LRMDA: variants seen among roughly 807,000 people sequenced by gnomAD.
The protein encoded by LRMDA is leucine-rich melanocyte differentiation-associated protein.
A neutral mutation model predicts 29.8 loss-of-function variants in LRMDA; 18 were observed. The observed-to-expected ratio is 0.60, with a 90% CI of 0.42 to 0.90. LRMDA has a LOEUF of 0.90. LRMDA is among the 40% of genes least tolerant of loss of function. The pLI, the probability that LRMDA is intolerant of heterozygous loss-of-function variation, is 0.00. For synonymous variants in LRMDA, 125 were observed against 109.4 expected (o/e 1.14, Z -0.89); for missense variants, 273 against 273.9 (o/e 1.00, Z 0.02).
intron 6 of LRMDA, among the ~76,000 whole-genome samples, chr10:76,452,633 A>T (rs901851694): frequency 6.6e-6 from 1 of 152,202 alleles, no homozygotes; most frequent in Admixed American, 6.5e-5. Context: ...AGAAAATGGA[A>T]AGCAGTGTCC....
At chr10:76,215,177 G>T (rs747673297) in intron 5 of LRMDA, among the ~76,000 whole-genome samples, 1 of 152,176 alleles carries the variant, frequency 6.6e-6, no homozygotes, top group African/African-American at 2.4e-5. Flanking sequence ...TCATCAGTTT[G>T]CTATTTTACA....
At position 76,486,060 on chromosome 10, in the gene LRMDA, CCA is replaced by C. The variant is rs1842779706; in HGVS notation, c.602-71148_602-71147del. ...TAGATGCTTCATTATGCATTTTACT[CCA>C]GAGTTTTTGGTTACAGATATGGAGG... On this transcript the variant is annotated intron_variant, in intron 6 of 6. Transcript: ENST00000611255. 2.5e-4 allele frequency among the ~76,000 whole-genome samples: 38 copies of C among 151,942 alleles called. No individual in the cohort carries two copies. In the South Asian group the frequency reaches 7.3e-3, roughly 29 times the overall value.
intron 6 of LRMDA, among the ~76,000 whole-genome samples, chr10:76,429,683 G>A (rs772918848): frequency 4.6e-5 from 7 of 152,214 alleles, no homozygotes; most frequent in East Asian, 1.9e-4. Context: ...GGAGCACATC[G>A]TAAGATTTTT....
rs1196497801 is a variant in LRMDA at position 75,453,628 on chromosome 10, GT to G, written c.131+15141del. ...CTTTGTTCCTCAAAAACCCTAATAT[GT>G]TTTTTTCTTTTAACATTTGTTCTGC... On this transcript the variant is annotated intron_variant, in intron 2 of 6. Transcript: ENST00000611255. 2.6e-5 allele frequency among the ~76,000 whole-genome samples: 4 copies of G among 152,044 alleles called. No individual in the cohort carries two copies. In the East Asian group the frequency reaches 5.8e-4, roughly 22 times the overall value.
At chr10:75,958,591 A>G (rs1180109528) in intron 2 of LRMDA, among the ~76,000 whole-genome samples, 1 of 152,142 alleles carries the variant, frequency 6.6e-6, no homozygotes, top group African/African-American at 2.4e-5. Context: ...ACTTTCTCTA[A>G]TAAGTGTAGA....
chr10:76,130,185 C>T (rs1463466254), intron 5 of LRMDA, among the ~76,000 whole-genome samples: 10 of 150,742 alleles, frequency 6.6e-5, no homozygotes, highest in East Asian at 5.8e-4. Flanking sequence ...GGGTGCAGGA[C>T]GAGTTCCCAG....
chr10:76,151,224 T>C (rs1051336306), intron 5 of LRMDA, among the ~76,000 whole-genome samples: 1 of 152,234 alleles, frequency 6.6e-6, no homozygotes, highest in Non-Finnish European at 1.5e-5. Flanking sequence ...ATCCTGATTT[T>C]CCTTTGCTGT....
chr10:76,028,126 CTTGTG>C lies in LRMDA; in HGVS notation c.132-7879_132-7875del, dbSNP rs1021191139. 1.1e-4 allele frequency among the ~76,000 whole-genome samples: 17 copies of C among 152,138 alleles called. No individual in the cohort carries two copies. In the South Asian group the frequency reaches 1.2e-3, roughly 11 times the overall value. On this transcript the variant is annotated intron_variant, in intron 2 of 6. Coordinates refer to ENST00000611255, the MANE Select transcript of LRMDA (RefSeq NM_001305581.2). ...CCAGCAATTTCACTGTCTCATTAGTCTTGTGTTTGTTTGAAGTAAAAGCTTGACAA... is the reference window on the plus strand; with the variant it reads ...CCAGCAATTTCACTGTCTCATTAGTCTTTGTTTGAAGTAAAAGCTTGACAA...
intron 6 of LRMDA, among the ~76,000 whole-genome samples, chr10:76,453,965 C>T (rs1279873937): frequency 6.6e-6 from 1 of 152,248 alleles, no homozygotes; most frequent in South Asian, 2.1e-4. Context: ...ATGTCGTGAA[C>T]GTTTACAAAA....
In LRMDA at chr10:75,705,633, C is replaced by T. The variant is rs535552871; in HGVS notation, c.131+267139C>T. On this transcript the variant is annotated intron_variant, in intron 2 of 6. Transcript: ENST00000611255. ...TGGCAGAGTCAAGGCTAGAGCCGTG[C>T]GTGAGCGATGATGATGAGTAGGTGG... Among the ~76,000 whole-genome samples the T allele has an allele frequency of 3.9e-5, 6 of 152,244 alleles. No individual in the cohort carries two copies. In the South Asian group the frequency reaches 1.0e-3, roughly 26 times the overall value.
chr10:75,846,975 G>A (rs1018332938), intron 2 of LRMDA, among the ~76,000 whole-genome samples: 3 of 152,114 alleles, frequency 2.0e-5, no homozygotes, highest in African/African-American at 7.2e-5. Context: ...CAAAATCTCA[G>A]TGGCAATTTT....
chr10:75,447,627 G>A (rs988012423), intron 2 of LRMDA, among the ~76,000 whole-genome samples: 8 of 152,162 alleles, frequency 5.3e-5, no homozygotes, highest in African/African-American at 1.7e-4. Flanking sequence ...AGTCTGACTA[G>A]CTTGGGCGTG....
chr10:75,684,973 G>C (rs1251413837), intron 2 of LRMDA, among the ~76,000 whole-genome samples: 1 of 152,188 alleles, frequency 6.6e-6, no homozygotes, highest in Non-Finnish European at 1.5e-5. Context: ...CATGCCCTCT[G>C]CTTATTTACA....
chr10:75,693,077 C>T (rs767583939), intron 2 of LRMDA, among the ~76,000 whole-genome samples: 23 of 152,112 alleles, frequency 1.5e-4, no homozygotes, highest in Non-Finnish European at 3.1e-4. Context: ...GCCCATCAGT[C>T]CTGTTGGCTG....
chr10:76,506,111 TTTGACTC>T (rs1241308600), intron 6 of LRMDA, among the ~76,000 whole-genome samples: 1 of 152,098 alleles, frequency 6.6e-6, no homozygotes, highest in African/African-American at 2.4e-5. Context: ...TCACCTCTCT[TTTGACTC>T]TTGGTATTTT....
intron 2 of LRMDA, among the ~76,000 whole-genome samples, chr10:75,595,847 T>C (rs3001921): frequency 1 from 151,660 of 152,212 alleles, 75,557 homozygotes; most frequent in Middle Eastern, 1. Context: ...CTGATCTGTA[T>C]GTCTTAACCA....
chr10:76,055,063 C>CAAAAAAAAAAAAAAAAAA (rs531729040), intron 4 of LRMDA, among the ~76,000 whole-genome samples: 9 of 45,896 alleles, frequency 2.0e-4, no homozygotes, highest in Admixed American at 6.7e-4. Context: ...GACTCCATCT[C>CAAAAAAAAAAAAAAAAAA]AAAAAAAAAA....
At chr10:76,356,674 G>T (rs1052272028) in intron 6 of LRMDA, among the ~76,000 whole-genome samples, 1 of 152,126 alleles carries the variant, frequency 6.6e-6, no homozygotes, top group Admixed American at 6.5e-5. Context: ...CTATGTATGC[G>T]TGTACATCTG....
intron 2 of LRMDA, among the ~76,000 whole-genome samples, chr10:75,938,031 T>C (rs904431690): frequency 6.6e-6 from 1 of 152,156 alleles, no homozygotes; most frequent in Non-Finnish European, 1.5e-5. Flanking sequence ...TGGAATAGGA[T>C]GGAGGATGGA....
Sources: gnomAD v4.1 joint callset for allele counts (sites outside exome capture counted in the v4.1 genomes callset) on GRCh38, gnomAD v4.1.1 for gene constraint, MANE v1.5 for transcripts, NCBI Gene and HGNC (gene_info 2026-07-23, HGNC 2026-07-21) for gene names.